CCSER1: variants seen among roughly 807,000 people sequenced by gnomAD.
CCSER1 encodes serine-rich coiled-coil domain-containing protein 1.
A neutral mutation model predicts 82.0 loss-of-function variants in CCSER1; 41 were observed. The observed-to-expected ratio is 0.50, with a 90% CI of 0.39 to 0.65. The LOEUF is 0.65. Ranked by LOEUF, CCSER1 falls within the 30% of genes least tolerant of loss-of-function variation. CCSER1 has a pLI of 0.00. For missense variants in CCSER1, 1,119 were observed against 1,064.2 expected (o/e 1.05, Z -0.72); for synonymous variants, 414 against 383.9 (o/e 1.08, Z -0.92).
chr4:91,143,923 A>T (rs931034925), intron 10 of CCSER1, among the ~76,000 whole-genome samples: 3 of 151,890 alleles, frequency 2.0e-5, no homozygotes, highest in Admixed American at 6.6e-5. Flanking sequence ...CAGGGATATT[A>T]GCCTATAGTT....
chr4:91,430,710 C>T (rs1298089705), intron 10 of CCSER1, among the ~76,000 whole-genome samples: 4 of 152,118 alleles, frequency 2.6e-5, no homozygotes, highest in African/African-American at 7.2e-5. Context: ...TAGAAATGTT[C>T]GATTATATGA....
chr4:91,378,741 A>T (rs1750634626), intron 10 of CCSER1, among the ~76,000 whole-genome samples: 2 of 151,964 alleles, frequency 1.3e-5, no homozygotes, highest in South Asian at 2.1e-4. Flanking sequence ...ATACCCTTTA[A>T]TTCTTTCTCC....
chr4:91,256,300 AC>A (rs1740678342), intron 10 of CCSER1, among the ~76,000 whole-genome samples: 1 of 152,148 alleles, frequency 6.6e-6, no homozygotes, highest in South Asian at 2.1e-4. Context: ...CTGCTCTCGA[AC>A]CCTGTTAAGA....
chr4:90,358,267 G>T, intron 3 of CCSER1, among the ~76,000 whole-genome samples: 2 of 76,662 alleles, frequency 2.6e-5, no homozygotes, highest in Admixed American at 2.0e-4. Flanking sequence ...TAATGATTCA[G>T]ATTTAAAATG....
intron 1 of CCSER1, among the ~76,000 whole-genome samples, chr4:90,212,648 G>A (rs567823582): frequency 1.3e-5 from 2 of 152,308 alleles, no homozygotes; most frequent in Admixed American, 1.3e-4. Context: ...CTGGAAATAA[G>A]TGGTATTTGG....
In CCSER1 at chr4:90,250,852, CTT is replaced by C. The variant is rs1411422259; in HGVS notation, c.-41-57391_-41-57390del. On this transcript the variant is annotated intron_variant, in intron 1 of 10. Coordinates refer to ENST00000509176, the MANE Select transcript of CCSER1 (RefSeq NM_001145065.2). The stretch of plus-strand genomic sequence containing the variant: ...GTTCTAATCAATGACCATCAAATGT[CTT>C]CAATTTCTTTCAATAATGTTCTGTC... Among the ~76,000 whole-genome samples the C allele has an allele frequency of 2.0e-5, 3 of 152,084 alleles. No individual in the cohort carries two copies. The South Asian group carries it at 6.2e-4, about 31-fold the overall frequency.
intron 10 of CCSER1, among the ~76,000 whole-genome samples, chr4:91,115,585 CT>C (rs61587079): frequency 0.3 from 45,019 of 151,748 alleles, 7,873 homozygotes; most frequent in East Asian, 0.46. Flanking sequence ...TTGGTCAACT[CT>C]TTTTTTATAC....
At chr4:90,777,025 A>C (rs1752987826) in intron 7 of CCSER1, among the ~76,000 whole-genome samples, 1 of 152,170 alleles carries the variant, frequency 6.6e-6, no homozygotes, top group South Asian at 2.1e-4. Flanking sequence ...ATGATTAACT[A>C]ATCAATGAAT....
In CCSER1 at chr4:91,107,191, T is replaced by C. The variant is rs534675316; in HGVS notation, c.2217+21197T>C. ...CATAGCCTAGGTGTATAGTAGCCTA[T>C]GCCATCTAGGTTTGTGTAAGTCGAA... On this transcript the variant is annotated intron_variant, in intron 10 of 10. Transcript: ENST00000509176. 3.3e-4 allele frequency among the ~76,000 whole-genome samples: 51 copies of C among 152,316 alleles called. 2 individuals carry two copies. In the South Asian group the frequency reaches 0.01, roughly 30 times the overall value.
At chr4:91,286,058 C>G (rs984061785) in intron 10 of CCSER1, among the ~76,000 whole-genome samples, 3 of 148,024 alleles carry the variant, frequency 2.0e-5, no homozygotes, top group African/African-American at 5.0e-5. Flanking sequence ...TTTTTTAATT[C>G]AGTTTTAAGG....
intron 9 of CCSER1, among the ~76,000 whole-genome samples, chr4:90,982,447 T>C (rs1464932449): frequency 6.6e-6 from 1 of 151,770 alleles, no homozygotes; most frequent in Non-Finnish European, 1.5e-5. Flanking sequence ...GCAATATGCA[T>C]AAATTAGCAG....
intron 1 of CCSER1, among the ~76,000 whole-genome samples, chr4:90,165,043 TC>T (rs1730201740): frequency 6.6e-6 from 1 of 152,142 alleles, no homozygotes; most frequent in South Asian, 2.1e-4. Context: ...GACATTTCTA[TC>T]TTTTTCTGGA....
rs113993470 is a variant in CCSER1 at position 91,434,598 on chromosome 4, T to C, written c.2218-163974T>C. ...TTTCACTCCTGAATGTAATTATGCATAGTAAGAATATCCACAGCTTTCCAT... is the reference window on the plus strand; with the variant it reads ...TTTCACTCCTGAATGTAATTATGCACAGTAAGAATATCCACAGCTTTCCAT... On this transcript the variant is annotated intron_variant, in intron 10 of 10. Coordinates refer to ENST00000509176, the MANE Select transcript of CCSER1 (RefSeq NM_001145065.2). 6.1e-4 allele frequency among the ~76,000 whole-genome samples: 93 copies of C among 152,314 alleles called. 2 individuals are homozygous for C. The highest frequency in any genetic ancestry group is 3.9e-3 in the South Asian group (19 of 4,828).
intron 8 of CCSER1, among the ~76,000 whole-genome samples, chr4:90,851,466 T>TG (rs544445577): frequency 0.073 from 2,003 of 27,432 alleles, 11 homozygotes; most frequent in Middle Eastern, 0.093. Flanking sequence ...TGGGGAGGGG[T>TG]GGGGGGGGCG....
chr4:90,920,282 G>C (rs551081876), intron 8 of CCSER1, among the ~76,000 whole-genome samples: 2 of 151,842 alleles, frequency 1.3e-5, no homozygotes, highest in Non-Finnish European at 2.9e-5. Flanking sequence ...TCCTCATTCA[G>C]TTAAAATATT....
At chr4:90,738,789 G>T (rs78194043) in intron 7 of CCSER1, among the ~76,000 whole-genome samples, 3 of 152,084 alleles carry the variant, frequency 2.0e-5, no homozygotes, top group Non-Finnish European at 2.9e-5. Context: ...GGCTGCTGTC[G>T]ATGTTCACTC....
intron 5 of CCSER1, among the ~76,000 whole-genome samples, chr4:90,470,870 A>C (rs775711728): frequency 5.9e-5 from 9 of 152,080 alleles, no homozygotes; most frequent in Middle Eastern, 3.4e-3. Flanking sequence ...ACTATATCCA[A>C]AAGTATTTGG....
At chr4:90,569,382 C>T (rs548854791) in intron 5 of CCSER1, among the ~76,000 whole-genome samples, 4 of 152,208 alleles carry the variant, frequency 2.6e-5, no homozygotes, top group South Asian at 2.1e-4. Context: ...TGGAAGAGAA[C>T]CTTTGATCAA....
intron 3 of CCSER1, among the ~76,000 whole-genome samples, chr4:90,399,573 T>C (rs1752516163): frequency 6.6e-6 from 1 of 152,124 alleles, no homozygotes. Flanking sequence ...TTAGAAAAAG[T>C]AACTGGAGTT....
Sources: allele counts gnomAD v4.1 joint callset (sites outside exome capture counted in the v4.1 genomes callset), GRCh38; gene constraint gnomAD v4.1.1; transcripts MANE v1.5; gene names NCBI Gene and HGNC (gene_info 2026-07-23, HGNC 2026-07-21).